Variants in NDUFA5 observed in about 807,000 individuals in gnomAD.
The protein encoded by NDUFA5 is NADH dehydrogenase [ubiquinone] 1 alpha subcomplex subunit 5.
Under a neutral mutation model 19.8 loss-of-function variants are expected in NDUFA5, and 11 were observed. The ratio of observed to expected loss-of-function variants is 0.56; its 90% CI spans 0.35 to 0.92. NDUFA5 has a LOEUF of 0.92. NDUFA5 is among the 40% of genes least tolerant of loss of function. The pLI, the probability that NDUFA5 is intolerant of heterozygous loss-of-function variation, is 0.01. For missense variants in NDUFA5, 109 were observed against 134.2 expected (o/e 0.81, Z 0.93); for synonymous variants, 47 against 46.8 (o/e 1.00, Z -0.01).
intron 3 of NDUFA5, chr7:123,546,865 T>C (rs1052919297): frequency 1.3e-5 from 6 of 467,452 alleles, no homozygotes; most frequent in African/African-American, 1.2e-4. Flanking sequence ...CTAGAAACTG[T>C]GAGTGTTACT....
intron 4 of NDUFA5, among the ~76,000 whole-genome samples, chr7:123,544,764 TAAAAAAAAAAAAA>T (rs61556029): frequency 0.037 from 2,293 of 61,994 alleles, 106 homozygotes; most frequent in African/African-American, 0.12. Flanking sequence ...ATGCAAATCT[TAAAAAAAAAAAAA>T]AAAAAAAAAA....
At position 123,545,634 on chromosome 7, in the gene NDUFA5, G is replaced by T; in HGVS notation, c.226C>A (p.Gln76Lys). The change falls in exon 4 of 5, where the codon CAA (glutamine) becomes AAA (lysine). Residue 76 changes from glutamine to lysine, a missense_variant. Transcript: ENST00000355749. ...KKLEDQLQGGQLEEVILQAEH... is the reference protein window; with the variant it reads ...KKLEDQLQGGKLEEVILQAEH... ...ACCTGAAGAATCACCTCTTCTAATTGACCGCCTTGAAGTTGGTCTTCTAAT... is the reference window on the plus strand; with the variant it reads ...ACCTGAAGAATCACCTCTTCTAATTTACCGCCTTGAAGTTGGTCTTCTAAT... 2 of 1,610,168 alleles carry T rather than the reference G, an allele frequency of 1.2e-6. No individual in the cohort carries two copies. Among genetic ancestry groups the T allele is most frequent in the South Asian group, 1.1e-5 (1 of 90,674 alleles).
intron 2 of NDUFA5, chr7:123,555,730 A>C (rs1798513116): frequency 1.3e-5 from 2 of 152,238 alleles, no homozygotes; most frequent in Non-Finnish European, 2.9e-5. Flanking sequence ...TGAAACAATT[A>C]CAAATCCCTG....
chr7:123,562,592 A>C (rs1295052378), upstream of NDUFA5, among the ~76,000 whole-genome samples: 2 of 152,074 alleles, frequency 1.3e-5, no homozygotes, highest in Non-Finnish European at 2.9e-5. Context: ...AAACCTCATG[A>C]ACCAATTTCT....
the NDUFA5 span, among the ~76,000 whole-genome samples, chr7:123,599,656 A>T: frequency 6.6e-6 from 1 of 152,180 alleles, no homozygotes; most frequent in Admixed American, 6.5e-5. Context: ...AGGTGGGTCC[A>T]AGGACAGTTC....
At chr7:123,580,194 C>A in the NDUFA5 span, among the ~76,000 whole-genome samples, 1 of 151,954 alleles carries the variant, frequency 6.6e-6, no homozygotes, top group Non-Finnish European at 1.5e-5. Context: ...ACAAGATGAA[C>A]AAGAACCCAG....
At chr7:123,563,743 G>GTGGC in the NDUFA5 span, among the ~76,000 whole-genome samples, 1 of 152,100 alleles carries the variant, frequency 6.6e-6, no homozygotes, top group East Asian at 1.9e-4. Context: ...ATACATATAC[G>GTGGC]TGGCTGTTAT....
chr7:123,554,631 T>A (rs2116182250), intron 2 of NDUFA5: 1 of 152,298 alleles, frequency 6.6e-6, no homozygotes, highest in South Asian at 2.1e-4. Flanking sequence ...TCACATAACT[T>A]TTATTACAGT....
chr7:123,566,429 T>C, the NDUFA5 span, among the ~76,000 whole-genome samples: 1 of 152,156 alleles, frequency 6.6e-6, no homozygotes, highest in Admixed American at 6.5e-5. Context: ...CCTAGAAAAC[T>C]AATACCCTGA....
chr7:123,578,058 A>G, the NDUFA5 span, among the ~76,000 whole-genome samples: 1 of 150,540 alleles, frequency 6.6e-6, no homozygotes, highest in Admixed American at 6.7e-5. Flanking sequence ...CCACCCCATG[A>G]CAGGCCCCGG....
the NDUFA5 span, among the ~76,000 whole-genome samples, chr7:123,597,827 T>A: frequency 6.6e-6 from 1 of 151,686 alleles, no homozygotes; most frequent in African/African-American, 2.4e-5. Flanking sequence ...CAAGACTTCA[T>A]CTGAAAAAAA....
At chr7:123,548,824 T>C (rs1158415196) in intron 3 of NDUFA5, among the ~76,000 whole-genome samples, 1 of 152,080 alleles carries the variant, frequency 6.6e-6, no homozygotes, top group Non-Finnish European at 1.5e-5. Flanking sequence ...TGAGAAACAC[T>C]GAACAGAAAA....
At chr7:123,544,764 T>TAAAAAAAAA (rs61556029) in intron 4 of NDUFA5, among the ~76,000 whole-genome samples, 21 of 61,814 alleles carry the variant, frequency 3.4e-4, no homozygotes, top group South Asian at 6.6e-4. Context: ...ATGCAAATCT[T>TAAAAAAAAA]AAAAAAAAAA....
rs199642312 is a variant in NDUFA5, at chr7:123,557,424, C to T, written c.46G>A (p.Val16Met). 9.3e-6 allele frequency: 15 copies of T among 1,613,060 alleles called. No homozygotes were observed. In the East Asian group the frequency reaches 3.3e-4, roughly 36 times the overall value. ...CATACCTCGTGAGGAGTATTGCACACAGCCAATCCCACAAGGCCAGTGGTC... is the reference window on the plus strand; with the variant it reads ...CATACCTCGTGAGGAGTATTGCACATAGCCAATCCCACAAGGCCAGTGGTC... ...KKTTGLVGLAVCNTPHERLRI... is the reference protein window; with the variant it reads ...KKTTGLVGLAMCNTPHERLRI... Residue 16 changes from valine (V) to methionine (M), a missense_variant, in exon 2 of 5, where the codon GTG (valine) becomes ATG (methionine). Val to Met is a conservative substitution (Grantham distance 21, BLOSUM62 1). Coordinates refer to ENST00000355749, the MANE Select transcript of NDUFA5 (RefSeq NM_005000.5).
the NDUFA5 span, among the ~76,000 whole-genome samples, chr7:123,586,524 GTTTCC>G: frequency 6.6e-6 from 1 of 151,602 alleles, no homozygotes; most frequent in Non-Finnish European, 1.5e-5. Flanking sequence ...TTCGTTGATT[GTTTCC>G]TTTGCTGTGC....
At chr7:123,595,095 C>T in the NDUFA5 span, among the ~76,000 whole-genome samples, 3 of 152,198 alleles carry the variant, frequency 2.0e-5, no homozygotes, top group Non-Finnish European at 4.4e-5. Context: ...GCTCCGTGGA[C>T]GTGGAACTCG....
chr7:123,597,739 G>A, the NDUFA5 span, among the ~76,000 whole-genome samples: 1 of 152,100 alleles, frequency 6.6e-6, no homozygotes, highest in Non-Finnish European at 1.5e-5. Context: ...GCTGAGGCAG[G>A]AGAATTGCTT....
intron 3 of NDUFA5, among the ~76,000 whole-genome samples, chr7:123,549,774 C>CAT (rs908518322): frequency 5.9e-5 from 9 of 152,128 alleles, no homozygotes; most frequent in African/African-American, 2.2e-4. Flanking sequence ...TGAGACCCAT[C>CAT]ATATAATACA....
At chr7:123,557,637 G>C (rs118062590) in intron 1 of NDUFA5, 138 bp downstream of exon 1, 16,253 of 1,613,608 alleles carry the variant, frequency 0.01, 141 homozygotes, top group Non-Finnish European at 0.01. Flanking sequence ...GCCCTACCCG[G>C]TAAGGCATGC....
Sources: allele counts gnomAD v4.1 joint callset (sites outside exome capture counted in the v4.1 genomes callset), GRCh38; gene constraint gnomAD v4.1.1; transcripts MANE v1.5; gene names NCBI Gene and HGNC (gene_info 2026-07-23, HGNC 2026-07-21).